SPAG16: variants seen among roughly 807,000 people sequenced by gnomAD.
The protein encoded by SPAG16 is sperm-associated antigen 16 protein.
SPAG16 carries 86 observed loss-of-function variants against 80.4 expected under a neutral mutation model. The ratio of observed to expected loss-of-function variants is 1.07; its 90% CI spans 0.90 to 1.28. The LOEUF is 1.28. SPAG16 is among the 50% of genes most tolerant of loss of function. The pLI is 0.00. For synonymous variants in SPAG16, 294 were observed against 265.9 expected (o/e 1.11, Z -1.03); for missense variants, 870 against 765.3 (o/e 1.14, Z -1.61).
At position 213,894,987 on chromosome 2, in the gene SPAG16, C is replaced by CA. The variant is rs71063793; in HGVS notation, c.1214+32391dup. Among the ~76,000 whole-genome samples the CA allele has an allele frequency of 5.9e-4, 29 of 49,306 alleles. 3 individuals are homozygous for CA. Among genetic ancestry groups the CA allele is most frequent in the African/African-American group, 3.2e-3 (28 of 8,662 alleles). 32.3% of individuals were successfully genotyped at this position (49,306 alleles called of 152,430 possible). ...GTGGCAACAGAACAAGGCTCCATCT[C>CA]AAAAAAAAAAAAAAAAAAAAAAAAA... On this transcript the variant is annotated intron_variant, in intron 11 of 15. Coordinates refer to ENST00000331683, the MANE Select transcript of SPAG16 (RefSeq NM_024532.5).
intron 13 of SPAG16, among the ~76,000 whole-genome samples, chr2:214,049,615 AT>A (rs1182521147): frequency 6.6e-6 from 1 of 152,230 alleles, no homozygotes; most frequent in Non-Finnish European, 1.5e-5. Flanking sequence ...ACCATATAGT[AT>A]TATTTTTCTA....
rs185691591 is a variant in SPAG16, at chr2:214,285,101, A to G, written c.1721-125039A>G. Among the ~76,000 whole-genome samples the G allele has an allele frequency of 1.8e-4, 27 of 152,296 alleles. No individual in the cohort carries two copies. The East Asian group carries it at 5.0e-3, about 28-fold the overall frequency. On this transcript the variant is annotated intron_variant, in intron 15 of 15. Transcript: ENST00000331683. Reference sequence around the variant, plus strand: ...ATTTACTCTCCCACCAACTGTGTACAAAGGTTCTCTTTCCTCATATTCTTG... The same window carrying G: ...ATTTACTCTCCCACCAACTGTGTACGAAGGTTCTCTTTCCTCATATTCTTG...
chr2:214,165,874 T>C (rs1192091950), intron 15 of SPAG16, among the ~76,000 whole-genome samples: 4 of 152,034 alleles, frequency 2.6e-5, no homozygotes, highest in African/African-American at 9.7e-5. Context: ...AGCTTTCTCG[T>C]GAAAAAATGA....
At position 213,862,577 on chromosome 2, in the gene SPAG16, T is replaced by C; in HGVS notation, c.1163T>C (p.Leu388Pro). The C allele has an allele frequency of 6.8e-6, 11 of 1,614,168 alleles. No individual in the cohort carries two copies. Among genetic ancestry groups the C allele is most frequent in the Non-Finnish European group, 9.3e-6 (11 of 1,180,012 alleles). The change falls in exon 11 of 16, where the codon CTC becomes CCC. Residue 388 changes from leucine (L) to proline (P), a missense_variant. Coordinates refer to ENST00000331683, the MANE Select transcript of SPAG16 (RefSeq NM_024532.5). ...VLGLPKCNVLLTGFGHTDWLS... is the reference protein window; with the variant it reads ...VLGLPKCNVLPTGFGHTDWLS... ...GGCCTTCCAAAATGCAATGTGCTTCTCACGGGATTTGGCCACACTGACTGG... is the reference window on the plus strand; with the variant it reads ...GGCCTTCCAAAATGCAATGTGCTTCCCACGGGATTTGGCCACACTGACTGG...
chr2:213,871,867 CACACACACACACAGAGAGAGAGAGAGAG>C lies in SPAG16; in HGVS notation c.1214+9241_1214+9268del, dbSNP rs1299400338. On this transcript the variant is annotated intron_variant, in intron 11 of 15. Transcript: ENST00000331683. ...ACACACACACACACACACACACACA[CACACACACACACAGAGAGAGAGAGAGAG>C]AGAGCAAACAGCAGTAAAAACAAAC... Among the ~76,000 whole-genome samples, 46 of 48,682 alleles carry C rather than the reference CACACACACACACAGAGAGAGAGAGAGAG, an allele frequency of 9.4e-4. 1 individual carries two copies. Among genetic ancestry groups the C allele is most frequent in the South Asian group, 5.2e-3 (2 of 386 alleles). 31.9% of individuals were successfully genotyped at this position (48,682 alleles called of 152,430 possible).
chr2:213,370,780 T>C (rs1319685578), intron 8 of SPAG16, among the ~76,000 whole-genome samples: 4 of 152,164 alleles, frequency 2.6e-5, no homozygotes, highest in Non-Finnish European at 4.4e-5. Flanking sequence ...CAAGAACATA[T>C]TGCATGTTTT....
intron 13 of SPAG16, among the ~76,000 whole-genome samples, chr2:214,094,711 G>A (rs957781932): frequency 2.0e-5 from 3 of 151,950 alleles, no homozygotes; most frequent in Non-Finnish European, 4.4e-5. Flanking sequence ...ACCCTTTTAT[G>A]CCTTCATTTT....
intron 12 of SPAG16, among the ~76,000 whole-genome samples, chr2:213,979,286 C>T (rs1422024304): frequency 2.0e-5 from 3 of 151,948 alleles, no homozygotes; most frequent in African/African-American, 7.3e-5. Context: ...TGGAATTATA[C>T]TTTATAATTC....
intron 15 of SPAG16, among the ~76,000 whole-genome samples, chr2:214,394,275 A>G (rs1701240569): frequency 6.6e-6 from 1 of 151,590 alleles, no homozygotes; most frequent in South Asian, 2.1e-4. Flanking sequence ...TAATAATTTG[A>G]GCTTTATTTT....
At chr2:214,078,853 T>G (rs2051217417) in intron 13 of SPAG16, among the ~76,000 whole-genome samples, 1 of 152,194 alleles carries the variant, frequency 6.6e-6, no homozygotes, top group African/African-American at 2.4e-5. Context: ...AATGATTTCC[T>G]TACAAGGAAT....
intron 6 of SPAG16, among the ~76,000 whole-genome samples, chr2:213,347,146 C>G (rs1163524715): frequency 6.6e-6 from 1 of 152,150 alleles, no homozygotes; most frequent in African/African-American, 2.4e-5. Flanking sequence ...TTATCCATTT[C>G]TTCTAGATTT....
intron 10 of SPAG16, among the ~76,000 whole-genome samples, chr2:213,797,870 G>T (rs1269212758): frequency 6.6e-6 from 1 of 152,218 alleles, no homozygotes; most frequent in Non-Finnish European, 1.5e-5. Context: ...AGGGTTAACT[G>T]TGTTTAGCAT....
chr2:213,590,289 T>G (rs1468184517), intron 10 of SPAG16, among the ~76,000 whole-genome samples: 1 of 152,162 alleles, frequency 6.6e-6, no homozygotes, highest in Non-Finnish European at 1.5e-5. Flanking sequence ...TTTGGGCTTC[T>G]AATGCTCTCA....
chr2:214,134,882 CAT>C (rs2054965672), intron 14 of SPAG16, among the ~76,000 whole-genome samples: 1 of 152,200 alleles, frequency 6.6e-6, no homozygotes, highest in African/African-American at 2.4e-5. Flanking sequence ...TTAACCTCAT[CAT>C]TAATTCACCA....
chr2:214,018,738 G>A (rs2047712409), intron 13 of SPAG16, among the ~76,000 whole-genome samples: 1 of 152,118 alleles, frequency 6.6e-6, no homozygotes, highest in African/African-American at 2.4e-5. Flanking sequence ...AGTTACTATT[G>A]AGACACCCTC....
chr2:214,393,966 G>T (rs1701223508), intron 15 of SPAG16, among the ~76,000 whole-genome samples: 1 of 152,210 alleles, frequency 6.6e-6, no homozygotes, highest in Non-Finnish European at 1.5e-5. Flanking sequence ...GAAGCAGATG[G>T]TGGAGCAATT....
intron 10 of SPAG16, among the ~76,000 whole-genome samples, chr2:213,602,077 G>T (rs999268869): frequency 2.0e-5 from 3 of 152,168 alleles, no homozygotes; most frequent in Non-Finnish European, 4.4e-5. Flanking sequence ...CGGAGCTCAG[G>T]CAGTAATGCT....
chr2:214,236,600 C>G (rs1689096230), intron 15 of SPAG16, among the ~76,000 whole-genome samples: 1 of 151,162 alleles, frequency 6.6e-6, no homozygotes, highest in South Asian at 2.1e-4. Context: ...TATAGTGAGC[C>G]AAGATCGCAC....
intron 15 of SPAG16, among the ~76,000 whole-genome samples, chr2:214,350,346 G>C: frequency 6.6e-6 from 1 of 152,050 alleles, no homozygotes; most frequent in Non-Finnish European, 1.5e-5. Flanking sequence ...ACATGTCTCC[G>C]GGCTCTCTTC....
Sources: allele counts gnomAD v4.1 joint callset (sites outside exome capture counted in the v4.1 genomes callset), GRCh38; gene constraint gnomAD v4.1.1; transcripts MANE v1.5; gene names NCBI Gene and HGNC (gene_info 2026-07-23, HGNC 2026-07-21).